Variants in HTT observed in about 807,000 individuals in gnomAD.
HTT encodes huntington disease protein.
A neutral mutation model predicts 362.3 loss-of-function variants in HTT; 104 were observed. The ratio of observed to expected loss-of-function variants is 0.29; its 90% CI spans 0.24 to 0.34. The LOEUF (loss-of-function observed/expected upper bound fraction) is 0.34, where lower values mean the gene tolerates loss of function less well. Among genes scored for constraint, HTT ranks in the 10% least tolerant of loss-of-function variants. The pLI is 1.00. For synonymous variants in HTT, 1,577 were observed against 1,548.7 expected (o/e 1.02, Z -0.43); for missense variants, 3,301 against 3,928.6 (o/e 0.84, Z 4.27).
chr4:3,166,094 T>C (rs1385617768), intron 29 of HTT, among the ~76,000 whole-genome samples: 1 of 152,214 alleles, frequency 6.6e-6, no homozygotes, highest in African/African-American at 2.4e-5. Context: ...GATGGGGTTT[T>C]GGTGTGGGTG....
intron 27 of HTT, among the ~76,000 whole-genome samples, chr4:3,154,668 C>T (rs1010875669): frequency 6.6e-6 from 1 of 152,226 alleles, no homozygotes; most frequent in East Asian, 1.9e-4. Flanking sequence ...AGGCTTCCAG[C>T]CCTAGCATGG....
intron 24 of HTT, among the ~76,000 whole-genome samples, chr4:3,146,467 C>T (rs1301351262): frequency 6.6e-6 from 1 of 152,186 alleles, no homozygotes; most frequent in East Asian, 1.9e-4. Context: ...CCTGTTTACT[C>T]AATGGCATTA....
intron 23 of HTT, among the ~76,000 whole-genome samples, chr4:3,144,271 A>G (rs1371130201): frequency 3.3e-5 from 5 of 152,204 alleles, no homozygotes; most frequent in African/African-American, 9.7e-5. Context: ...ATCAGAAAAA[A>G]ATAATATACA....
chr4:3,117,052 A>G (rs1478803117), intron 8 of HTT, among the ~76,000 whole-genome samples: 1 of 152,202 alleles, frequency 6.6e-6, no homozygotes, highest in Non-Finnish European at 1.5e-5. Flanking sequence ...TGAGTTAGGT[A>G]GTGTTTGTAA....
chr4:3,197,871 C>G (rs895575486), intron 40 of HTT, among the ~76,000 whole-genome samples: 3 of 152,314 alleles, frequency 2.0e-5, no homozygotes, highest in African/African-American at 7.2e-5. Flanking sequence ...TGCACGTGCT[C>G]TGTGGCCTGG....
At chr4:3,101,633 AC>A (rs1444903977) in intron 3 of HTT, among the ~76,000 whole-genome samples, 1 of 152,174 alleles carries the variant, frequency 6.6e-6, no homozygotes, top group Non-Finnish European at 1.5e-5. Context: ...ACTAGGTTCT[AC>A]TTAGCCCAAG....
chr4:3,239,122 A>G, intron 66 of HTT, 144 bp downstream of exon 66: 1 of 860,602 alleles, frequency 1.2e-6, no homozygotes, highest in Non-Finnish European at 1.8e-6. Context: ...GGGAAGTAAA[A>G]TGCTGACAGG....
chr4:3,175,216 C>A, intron 33 of HTT, 109 bp downstream of exon 33: 1 of 1,025,066 alleles, frequency 9.8e-7, no homozygotes, highest in Non-Finnish European at 1.4e-6. Context: ...ATGTTTCCCT[C>A]ATCAGTTGCT....
At chr4:3,151,495 A>T (rs1716891007) in intron 26 of HTT, among the ~76,000 whole-genome samples, 1 of 152,158 alleles carries the variant, frequency 6.6e-6, no homozygotes, top group South Asian at 2.1e-4. Context: ...AACTACCCCC[A>T]TGATCCAATC....
At chr4:3,136,556 T>C (rs1228721592) in intron 21 of HTT, among the ~76,000 whole-genome samples, 1 of 152,128 alleles carries the variant, frequency 6.6e-6, no homozygotes, top group East Asian at 1.9e-4. Flanking sequence ...TAATGCACTT[T>C]CATTGTAAAA....
rs747466560 is a variant in HTT, at chr4:3,172,994, G to A, written c.4029G>A (p.Gln1343=). The change falls in exon 31 of 67, where the codon CAG becomes CAA. Residue 1343 remains glutamine, a synonymous_variant. Coordinates refer to ENST00000355072, the MANE Select transcript of HTT (RefSeq NM_001388492.1). Reference sequence around the variant, plus strand: ...CCAGCAAGTCACAAGGCCGAGCACAGCGCCTTGGCTCCTCCAGTGTGAGGC... The same window carrying A: ...CCAGCAAGTCACAAGGCCGAGCACAACGCCTTGGCTCCTCCAGTGTGAGGC... The part of the protein sequence containing the change: ...SNPSKSQGRA[Q]RLGSSSVRPG... 1 of 1,614,196 alleles carries A rather than the reference G, an allele frequency of 6.2e-7. No homozygotes were observed. The highest frequency in any genetic ancestry group is 8.5e-7 in the Non-Finnish European group (1 of 1,180,048).
chr4:3,199,767 C>A lies in HTT; in HGVS notation c.5404C>A (p.Leu1802Met), dbSNP rs768339882. 2 of 1,614,160 alleles carry A rather than the reference C, an allele frequency of 1.2e-6. No individual in the cohort carries two copies. The highest frequency in any genetic ancestry group is 1.7e-6 in the Non-Finnish European group (2 of 1,180,024). Residue 1802 changes from leucine to methionine, a missense_variant, in exon 41 of 67, where the codon CTG (leucine) becomes ATG (methionine). Physicochemically the swap from Leu to Met is conservative, Grantham distance 15 (BLOSUM62 2). Coordinates refer to ENST00000355072, the MANE Select transcript of HTT (RefSeq NM_001388492.1). The stretch of plus-strand genomic sequence containing the variant: ...GAGAATCACAGCAGCTGCCACTAGG[C>A]TGTTCCGCAGTGATGGCTGTGGCGG... ...FRRITAAATR[L>M]FRSDGCGGSF... is the part of the protein sequence containing the mutation.
Position 3,235,368 on chromosome 4 carries a change from A to C in HTT, c.8541A>C (p.Val2847=). 6.2e-7 allele frequency: 1 copy of C among 1,613,224 alleles called. No individual in the cohort carries two copies. The highest frequency in any genetic ancestry group is 8.5e-7 in the Non-Finnish European group (1 of 1,179,130). ...FYLIENYPLD[V]GPEFSASIIQ... ...TCATTGAGAACTATCCTCTGGACGT[A>C]GGGCCGGAATTTTCAGCATCAATAA... The change falls in exon 62 of 67, where the codon GTA becomes GTC. Residue 2847 remains valine, a synonymous_variant. Coordinates refer to ENST00000355072, the MANE Select transcript of HTT (RefSeq NM_001388492.1).
In HTT at chr4:3,238,812, T is replaced by G. The variant is rs1270386157; in HGVS notation, c.9055-6T>G. 3 of 1,509,278 alleles carry G rather than the reference T, an allele frequency of 2.0e-6. No individual in the cohort carries two copies. The highest frequency in any genetic ancestry group is 2.7e-6 in the Non-Finnish European group (3 of 1,115,772). 93.5% of individuals were successfully genotyped at this position (1,509,278 alleles called of 1,614,324 possible). A position where few individuals can be genotyped will look rare whatever the true frequency, so the allele number is the denominator to read the frequency against. Reference sequence around the variant, plus strand: ...TGACACTCAGGCACCTGCTTGCTCCTTGCAGGTGTTTCAGACTCTGCACAG... The same window carrying G: ...TGACACTCAGGCACCTGCTTGCTCCGTGCAGGTGTTTCAGACTCTGCACAG... On this transcript the variant is annotated splice_polypyrimidine_tract_variant and splice_region_variant and intron_variant, in intron 65 of 66. Coordinates refer to ENST00000355072, the MANE Select transcript of HTT (RefSeq NM_001388492.1).
At chr4:3,217,116 T>C (rs1720443059) in intron 51 of HTT, among the ~76,000 whole-genome samples, 1 of 152,184 alleles carries the variant, frequency 6.6e-6, no homozygotes, top group Non-Finnish European at 1.5e-5. Context: ...TCCTAGGAAG[T>C]TGCCCAAACT....
intron 1 of HTT, among the ~76,000 whole-genome samples, chr4:3,084,979 A>C (rs867601135): frequency 8.6e-5 from 13 of 151,360 alleles, no homozygotes; most frequent in African/African-American, 2.9e-4. Context: ...GCGCCACTGC[A>C]CTCCAGCCTG....
In HTT at chr4:3,231,941, G is replaced by A. The variant is rs573300661; in HGVS notation, c.8266-1222G>A. On this transcript the variant is annotated intron_variant, in intron 60 of 66. Transcript: ENST00000355072. Reference sequence around the variant, plus strand: ...CATGGACACTCACTCCCAGCTCTTTGTGCACTCATGCTTTCTGGAAGATGG... The same window carrying A: ...CATGGACACTCACTCCCAGCTCTTTATGCACTCATGCTTTCTGGAAGATGG... Among the ~76,000 whole-genome samples, 118 of 152,308 alleles carry A rather than the reference G, an allele frequency of 7.7e-4. 1 individual carries two copies. In the Middle Eastern group the frequency reaches 0.014, roughly 18 times the overall value.
At chr4:3,094,169 A>G (rs1409280393) in intron 2 of HTT, among the ~76,000 whole-genome samples, 1 of 151,748 alleles carries the variant, frequency 6.6e-6, no homozygotes, top group African/African-American at 2.4e-5. Flanking sequence ...CACATCTTGC[A>G]CCGCCCTTAA....
At chr4:3,238,730 G>GGGGCCCC in intron 65 of HTT, 88 bp from the exon 66 acceptor site, 3 of 1,097,028 alleles carry the variant, frequency 2.7e-6, no homozygotes, top group Non-Finnish European at 2.7e-6. Flanking sequence ...AATGCCTCTG[G>GGGGCCCC]CCCCCACCCC....
Sources: allele counts gnomAD v4.1 joint callset (sites outside exome capture counted in the v4.1 genomes callset), GRCh38; gene constraint gnomAD v4.1.1; transcripts MANE v1.5; gene names NCBI Gene and HGNC (gene_info 2026-07-23, HGNC 2026-07-21).